The following WDPCP variants were observed in gnomAD, a reference collection of about 807,000 sequenced individuals.
WDPCP encodes WD repeat-containing and planar cell polarity effector protein fritz homolog.
Under a neutral mutation model 93.1 loss-of-function variants are expected in WDPCP, and 71 were observed. That is an observed-to-expected ratio of 0.76 (90% CI 0.63 to 0.93). The LOEUF is 0.93. Ranked by LOEUF, WDPCP falls within the 40% of genes least tolerant of loss-of-function variation. The probability of loss-of-function intolerance (pLI) is 0.00; values close to 1 mark genes in which losing one functional copy is unlikely to be tolerated. For missense variants in WDPCP, 844 were observed against 887.4 expected (o/e 0.95, Z 0.62); for synonymous variants, 315 against 315.0 (o/e 1.00, Z 0.00).
At chr2:63,416,529 T>TC (rs1489264764) in intron 9 of WDPCP, among the ~76,000 whole-genome samples, 1 of 55,346 alleles carries the variant, frequency 1.8e-5, no homozygotes, top group Non-Finnish European at 4.4e-5. Context: ...CAAAAATACT[T>TC]TTTTTTTTTT....
intron 9 of WDPCP, among the ~76,000 whole-genome samples, chr2:63,432,342 C>A (rs1398996050): frequency 6.6e-6 from 1 of 152,174 alleles, no homozygotes; most frequent in Non-Finnish European, 1.5e-5. Flanking sequence ...CCCACTATAG[C>A]TTACACATAC....
In WDPCP at chr2:63,663,313, C is replaced by T. The variant is rs13423109; in HGVS notation, n.309-12475G>A. Among the ~76,000 whole-genome samples the T allele has an allele frequency of 1.9e-3, 284 of 152,214 alleles. 2 individuals are homozygous for T. Among genetic ancestry groups the T allele is most frequent in the Middle Eastern group, 0.01 (3 of 294 alleles). ...ATAAGGGAACTGGAGAACAAAGAGGCCAACTTCTTCAATATCTCTGGTTCA... is the reference window on the plus strand; with the variant it reads ...ATAAGGGAACTGGAGAACAAAGAGGTCAACTTCTTCAATATCTCTGGTTCA... On this transcript the variant is annotated intron_variant and non_coding_transcript_variant, in intron 2 of 4. Transcript: ENST00000467687.
chr2:63,478,249 T>G (rs557951297), intron 6 of WDPCP, among the ~76,000 whole-genome samples: 73 of 152,084 alleles, frequency 4.8e-4, no homozygotes, highest in Non-Finnish European at 3.5e-4. Flanking sequence ...GCAAGGGACT[T>G]CAATACTCCA....
intron 1 of WDPCP, among the ~76,000 whole-genome samples, chr2:63,536,113 T>C (rs1704257677): frequency 1.3e-5 from 2 of 152,206 alleles, no homozygotes; most frequent in South Asian, 4.1e-4. Flanking sequence ...CATGAAAATA[T>C]GCTTATCATC....
intron 1 of WDPCP, among the ~76,000 whole-genome samples, chr2:63,565,445 AG>A (rs897025958): frequency 2.6e-5 from 4 of 152,204 alleles, no homozygotes; most frequent in Non-Finnish European, 5.9e-5. Flanking sequence ...AGAAAATTAA[AG>A]AAATATTTAA....
chr2:63,626,233 C>T (rs1056602583), intron 3 of WDPCP, among the ~76,000 whole-genome samples: 1 of 152,164 alleles, frequency 6.6e-6, no homozygotes, highest in African/African-American at 2.4e-5. Context: ...ACCGTAAAAA[C>T]CCTGGAAGAA....
chr2:63,398,771 A>G (rs1037115289), intron 10 of WDPCP, among the ~76,000 whole-genome samples: 1 of 152,200 alleles, frequency 6.6e-6, no homozygotes, highest in African/African-American at 2.4e-5. Context: ...CATCTGAAAA[A>G]AAAAAAAATC....
chr2:63,232,604 T>G (rs959637199), intron 14 of WDPCP: 3 of 152,874 alleles, frequency 2.0e-5, no homozygotes, highest in African/African-American at 7.2e-5. Context: ...AAAAGAATCT[T>G]GAAATGCAAA....
At chr2:63,804,100 T>A (rs1467842186) in intron 2 of WDPCP, among the ~76,000 whole-genome samples, 1 of 152,170 alleles carries the variant, frequency 6.6e-6, no homozygotes, top group Non-Finnish European at 1.5e-5. Context: ...CTTGTGACTA[T>A]GAAATTTTAT....
At chr2:63,407,825 CT>C (rs1694707768) in intron 9 of WDPCP, among the ~76,000 whole-genome samples, 5 of 152,160 alleles carry the variant, frequency 3.3e-5, no homozygotes, top group African/African-American at 4.8e-5. Flanking sequence ...AAATATCATA[CT>C]TCCAGAAAGC....
At chr2:63,797,016 G>A (rs1670626762) in intron 2 of WDPCP, among the ~76,000 whole-genome samples, 1 of 152,176 alleles carries the variant, frequency 6.6e-6, no homozygotes, top group African/African-American at 2.4e-5. Flanking sequence ...CTCAGCCACA[G>A]AAGGAAAGGG....
intron 1 of WDPCP, among the ~76,000 whole-genome samples, chr2:63,538,092 T>TA (rs893651263): frequency 6.6e-6 from 1 of 152,082 alleles, no homozygotes; most frequent in African/African-American, 2.4e-5. Context: ...AAATAAATCT[T>TA]AAACTTTAAA....
intron 6 of WDPCP, among the ~76,000 whole-genome samples, chr2:63,445,164 G>GT (rs1474060502): frequency 1.1e-5 from 1 of 87,910 alleles, no homozygotes; most frequent in African/African-American, 3.2e-5. Flanking sequence ...AAAAAAACAC[G>GT]TAAGTGCCTC....
rs528335105 is a variant in WDPCP, at chr2:63,227,601, A to ATT, written c.1915+31704_1915+31705dup. On this transcript the variant is annotated intron_variant, in intron 14 of 17. Transcript: ENST00000272321. ...ACTTAAAAAGCAGACTAGTAAAGTG[A>ATT]TTTAGAGTATGAGATTTGTAGTCAA... Among the ~76,000 whole-genome samples, 169 of 152,138 alleles carry ATT rather than the reference A, an allele frequency of 1.1e-3. 1 individual carries two copies. The highest frequency in any genetic ancestry group is 3.8e-3 in the African/African-American group (157 of 41,538).
chr2:63,269,436 C>T (rs1682438838), intron 13 of WDPCP, among the ~76,000 whole-genome samples: 1 of 152,132 alleles, frequency 6.6e-6, no homozygotes, highest in South Asian at 2.1e-4. Context: ...TCTGTCTATA[C>T]ATGTAAGATC....
At chr2:63,813,385 G>A (rs894402363) in intron 2 of WDPCP, among the ~76,000 whole-genome samples, 2 of 152,128 alleles carry the variant, frequency 1.3e-5, no homozygotes, top group African/African-American at 4.8e-5. Context: ...TGTCTACTAA[G>A]CTTCAGTACT....
rs1669568157 is a variant in WDPCP at position 63,121,929 on chromosome 2, C to A, written c.*77G>T. Reference sequence around the variant, plus strand: ...CATACTGTCTCTTGTTAAAAATCCACACGGGGGATTTTAAGTCTGTATCAG... The same window carrying A: ...CATACTGTCTCTTGTTAAAAATCCAAACGGGGGATTTTAAGTCTGTATCAG... On this transcript the variant is annotated 3_prime_UTR_variant, in exon 18 of 18. Coordinates refer to ENST00000272321, the MANE Select transcript of WDPCP (RefSeq NM_015910.7). 2 of 1,596,478 alleles carry A rather than the reference C, an allele frequency of 1.3e-6. No individual in the cohort carries two copies. The highest frequency in any genetic ancestry group is 3.6e-5 in the Admixed American group (2 of 56,330).
chr2:63,770,275 GAA>G (rs1023604377), intron 2 of WDPCP, among the ~76,000 whole-genome samples: 2 of 151,728 alleles, frequency 1.3e-5, no homozygotes, highest in African/African-American at 2.4e-5. Context: ...TTCAGATTAG[GAA>G]AATACAACAT....
At chr2:63,808,956 C>T (rs1331369983) in intron 2 of WDPCP, among the ~76,000 whole-genome samples, 1 of 152,000 alleles carries the variant, frequency 6.6e-6, no homozygotes, top group Non-Finnish European at 1.5e-5. Flanking sequence ...TGCCCGGCCT[C>T]CCATCATCTG....
Sources: allele counts gnomAD v4.1 joint callset (sites outside exome capture counted in the v4.1 genomes callset), GRCh38; gene constraint gnomAD v4.1.1; transcripts MANE v1.5; gene names NCBI Gene and HGNC (gene_info 2026-07-23, HGNC 2026-07-21).